The following SYN2 variants were observed in gnomAD, a reference collection of about 807,000 sequenced individuals.
The protein encoded by SYN2 is synapsin II, also known as synapsin-2.
SYN2 carries 19 observed loss-of-function variants against 50.9 expected under a neutral mutation model. That is an observed-to-expected ratio of 0.37 (90% CI 0.26 to 0.55). The LOEUF (loss-of-function observed/expected upper bound fraction) is 0.55, where lower values mean the gene tolerates loss of function less well. SYN2 is among the 20% of genes least tolerant of loss of function. The probability of loss-of-function intolerance (pLI) is 0.81; values close to 1 mark genes in which losing one functional copy is unlikely to be tolerated. For missense variants in SYN2, 587 were observed against 576.4 expected (o/e 1.02, Z -0.19); for synonymous variants, 255 against 224.9 (o/e 1.13, Z -1.20).
intron 1 of SYN2, among the ~76,000 whole-genome samples, chr3:12,039,908 A>C (rs775090250): frequency 3.9e-5 from 6 of 152,202 alleles, no homozygotes; most frequent in Admixed American, 3.9e-4. Flanking sequence ...AGTAGTTGAT[A>C]GTCTAGTATG....
chr3:12,138,825 A>G (rs1418405567), intron 1 of SYN2, among the ~76,000 whole-genome samples: 2 of 152,242 alleles, frequency 1.3e-5, no homozygotes, highest in African/African-American at 4.8e-5. Flanking sequence ...GACATACCTC[A>G]CCAATGAAAG....
At chr3:12,170,551 C>T (rs1175365422) in intron 10 of SYN2, among the ~76,000 whole-genome samples, 1 of 152,194 alleles carries the variant, frequency 6.6e-6, no homozygotes, top group African/African-American at 2.4e-5. Flanking sequence ...AAACATCAGG[C>T]CCTGTGGCAG....
intron 1 of SYN2, among the ~76,000 whole-genome samples, chr3:12,069,013 A>G (rs766243382): frequency 3.9e-5 from 6 of 152,212 alleles, no homozygotes; most frequent in Non-Finnish European, 8.8e-5. Flanking sequence ...AAATGGAGTC[A>G]TATAATATAT....
rs543238825 is a variant in SYN2 at position 12,166,815 on chromosome 3, C to T, written c.981-419C>T. Among the ~76,000 whole-genome samples, 90 of 152,308 alleles carry T rather than the reference C, an allele frequency of 5.9e-4. 1 individual carries two copies. The highest frequency in any genetic ancestry group is 2.1e-3 in the African/African-American group (86 of 41,572). On this transcript the variant is annotated intron_variant, in intron 7 of 12. Coordinates refer to ENST00000621198, the MANE Select transcript of SYN2 (RefSeq NM_133625.6). Reference sequence around the variant, plus strand: ...GTATAGATACTGAATGGGTAGGCGTCTGGGAACACAAGACACGATATGTAC... The same window carrying T: ...GTATAGATACTGAATGGGTAGGCGTTTGGGAACACAAGACACGATATGTAC...
chr3:12,138,910 T>C (rs1296069275), intron 1 of SYN2, among the ~76,000 whole-genome samples: 1 of 152,154 alleles, frequency 6.6e-6, no homozygotes, highest in African/African-American at 2.4e-5. Flanking sequence ...GAGTCCAAGG[T>C]CTGCAGAGAA....
chr3:12,025,643 GT>G (rs569288490), intron 1 of SYN2, among the ~76,000 whole-genome samples: 1 of 151,238 alleles, frequency 6.6e-6, no homozygotes, highest in Non-Finnish European at 1.5e-5. Flanking sequence ...GAGGTGTGTG[GT>G]TTTTTTTTGT....
intron 10 of SYN2, among the ~76,000 whole-genome samples, chr3:12,178,730 A>G (rs1022087165): frequency 6.6e-6 from 1 of 152,262 alleles, no homozygotes; most frequent in Non-Finnish European, 1.5e-5. Flanking sequence ...AAATAGTAGT[A>G]GGATGCTCAC....
intron 1 of SYN2, among the ~76,000 whole-genome samples, chr3:12,063,407 G>A: frequency 6.6e-6 from 1 of 151,990 alleles, no homozygotes; most frequent in East Asian, 1.9e-4. Context: ...CGTAAGAACT[G>A]TAGTTGATAA....
At chr3:12,167,517 G>T (rs1319083535) in intron 8 of SYN2, among the ~76,000 whole-genome samples, 1 of 152,138 alleles carries the variant, frequency 6.6e-6, no homozygotes, top group African/African-American at 2.4e-5. Flanking sequence ...CATACCATAG[G>T]TAAAAGCTTC....
chr3:12,139,016 G>C (rs565909345), intron 1 of SYN2, among the ~76,000 whole-genome samples: 2 of 152,256 alleles, frequency 1.3e-5, no homozygotes, highest in Middle Eastern at 6.8e-3. Flanking sequence ...CCTGCCTGAG[G>C]GGCTCGCTGA....
intron 1 of SYN2, among the ~76,000 whole-genome samples, chr3:12,089,921 C>A (rs951542518): frequency 6.6e-6 from 1 of 152,122 alleles, no homozygotes; most frequent in African/African-American, 2.4e-5. Flanking sequence ...TTCTGTAATT[C>A]TGGACAGTCA....
chr3:12,060,889 A>G (rs1695099057), intron 1 of SYN2, among the ~76,000 whole-genome samples: 1 of 152,182 alleles, frequency 6.6e-6, no homozygotes. Context: ...GTGTCTTCAA[A>G]CCAAGCATCA....
chr3:12,101,380 G>A (rs927325087), intron 1 of SYN2, among the ~76,000 whole-genome samples: 6 of 152,174 alleles, frequency 3.9e-5, no homozygotes, highest in Non-Finnish European at 7.4e-5. Context: ...GAGAGAACCC[G>A]GGCACAAAAG....
At chr3:12,178,402 G>C (rs1698139812) in intron 10 of SYN2, among the ~76,000 whole-genome samples, 1 of 152,180 alleles carries the variant, frequency 6.6e-6, no homozygotes, top group African/African-American at 2.4e-5. Context: ...TCTCCAGCTT[G>C]TCTGCCGAAA....
chr3:12,013,052 TC>T (rs1693950027), intron 1 of SYN2, among the ~76,000 whole-genome samples: 1 of 152,262 alleles, frequency 6.6e-6, no homozygotes, highest in African/African-American at 2.4e-5. Flanking sequence ...TGTCAAATGT[TC>T]ACTGATGTGT....
intron 1 of SYN2, among the ~76,000 whole-genome samples, chr3:12,078,293 C>A (rs1418017872): frequency 6.6e-6 from 1 of 152,134 alleles, no homozygotes; most frequent in Non-Finnish European, 1.5e-5. Context: ...TAGTTTTTTG[C>A]TGTGCAGAAG....
At position 12,190,666 on chromosome 3, in the gene SYN2, C is replaced by T; in HGVS notation, c.*41C>T. On this transcript the variant is annotated 3_prime_UTR_variant, in exon 13 of 13. Transcript: ENST00000621198. ...GGGCACCCAGCCCAACCGGGAAAGG[C>T]ATCTAAGACATTCACCAACAACAGT... The T allele has an allele frequency of 6.3e-7, 1 of 1,598,024 alleles. No individual in the cohort carries two copies. The highest frequency in any genetic ancestry group is 8.5e-7 in the Non-Finnish European group (1 of 1,172,650).
At chr3:12,077,081 G>T (rs1309399536) in intron 1 of SYN2, among the ~76,000 whole-genome samples, 1 of 152,034 alleles carries the variant, frequency 6.6e-6, no homozygotes, top group Non-Finnish European at 1.5e-5. Context: ...ACTCAGTGCA[G>T]GTTTGCGATG....
intron 1 of SYN2, among the ~76,000 whole-genome samples, chr3:12,022,396 G>GTTATTATTA (rs201890521): frequency 7.9e-5 from 12 of 151,332 alleles, no homozygotes; most frequent in African/African-American, 2.9e-4. Context: ...CCTCTAGGAA[G>GTTATTATTA]TTATTATTAT....
Sources: allele counts gnomAD v4.1 joint callset (sites outside exome capture counted in the v4.1 genomes callset), GRCh38; gene constraint gnomAD v4.1.1; transcripts MANE v1.5; gene names NCBI Gene and HGNC (gene_info 2026-07-23, HGNC 2026-07-21).